Variants in COPB2 observed in about 807,000 individuals in gnomAD.
The protein encoded by COPB2 is coat protein complex I subunit beta 2, also known as coatomer subunit beta'.
COPB2 carries 16 observed loss-of-function variants against 120.8 expected under a neutral mutation model. The ratio of observed to expected loss-of-function variants is 0.13; its 90% CI spans 0.09 to 0.20. COPB2 has a LOEUF of 0.20. Among genes scored for constraint, COPB2 ranks in the 10% least tolerant of loss-of-function variants. The pLI, the probability that COPB2 is intolerant of heterozygous loss-of-function variation, is 1.00. For synonymous variants in COPB2, 332 were observed against 366.3 expected (o/e 0.91, Z 1.07); for missense variants, 794 against 1,076.5 (o/e 0.74, Z 3.67).
intron 16 of COPB2, among the ~76,000 whole-genome samples, chr3:139,362,181 TAAAAC>T (rs143231352): frequency 0.046 from 7,082 of 152,304 alleles, 212 homozygotes; most frequent in Middle Eastern, 0.086. Context: ...CAATTTTTCT[TAAAAC>T]AAATTAGAGT....
Position 139,373,386 on chromosome 3 carries a change from G to A in COPB2, c.921C>T (p.Ser307=). 1 of 1,614,068 alleles carries A rather than the reference G, an allele frequency of 6.2e-7. No individual in the cohort carries two copies. The highest frequency in any genetic ancestry group is 1.1e-5 in the South Asian group (1 of 91,086). Residue 307 remains serine (S), a synonymous_variant, in exon 9 of 22, where the codon TCC becomes TCT. Coordinates refer to ENST00000333188, the MANE Select transcript of COPB2 (RefSeq NM_004766.3). The part of the protein sequence containing the change: ...VKLGREEPAM[S]MDANGKIIWA... ...AAATTATCTTTCCATTGGCATCCATGGACATGGCAGGTTCCTCCCGACCAA... is the reference window on the plus strand; with the variant it reads ...AAATTATCTTTCCATTGGCATCCATAGACATGGCAGGTTCCTCCCGACCAA...
At position 139,366,996 on chromosome 3, in the gene COPB2, C is replaced by T; in HGVS notation, c.1676+19G>A. The T allele has an allele frequency of 6.3e-7, 1 of 1,593,740 alleles. No individual in the cohort carries two copies. Among genetic ancestry groups the T allele is most frequent in the Non-Finnish European group, 8.5e-7 (1 of 1,171,924 alleles). ...CACACTTTAAAATTTAGGACAAATG[C>T]AAAATGATACTCAGGTACCTGTCCA... On this transcript the variant is annotated intron_variant, in intron 14 of 21. Coordinates refer to ENST00000333188, the MANE Select transcript of COPB2 (RefSeq NM_004766.3).
rs569915880 is a variant in COPB2 at position 139,357,482 on chromosome 3, T to C, written c.*381A>G. 17 of 191,492 alleles carry C rather than the reference T, an allele frequency of 8.9e-5. No homozygotes were observed. Among genetic ancestry groups the C allele is most frequent in the Non-Finnish European group, 1.7e-4 (16 of 94,084 alleles). 11.9% of individuals were successfully genotyped at this position (191,492 alleles called of 1,614,324 possible). On this transcript the variant is annotated 3_prime_UTR_variant, in exon 22 of 22. Transcript: ENST00000333188. ...ACATTTGAAAATGCAGATTTAGTTA[T>C]ACAAAGAAAAGACAGTGGGGCTGAT...
intron 1 of COPB2, among the ~76,000 whole-genome samples, chr3:139,389,146 T>C (rs1351391337): frequency 1.3e-5 from 2 of 152,242 alleles, no homozygotes; most frequent in African/African-American, 4.8e-5. Flanking sequence ...CAGCACACAC[T>C]ATCCCCAGAA....
intron 17 of COPB2, among the ~76,000 whole-genome samples, chr3:139,360,492 T>C (rs1576369245): frequency 8.0e-6 from 1 of 124,406 alleles, no homozygotes. Context: ...CACTCCAGCC[T>C]GGGCAACAGA....
intron 15 of COPB2, among the ~76,000 whole-genome samples, chr3:139,365,640 A>G (rs144497113): frequency 0.011 from 1,750 of 152,302 alleles, 39 homozygotes; most frequent in African/African-American, 0.039. Context: ...TGATGAGAGC[A>G]GGAAAACCAG....
chr3:139,359,489 C>T (rs1403559053), intron 17 of COPB2, 127 bp from the exon 18 acceptor site: 1 of 769,418 alleles, frequency 1.3e-6, no homozygotes, highest in African/African-American at 1.8e-5. Context: ...TATCTCATTT[C>T]TGTCACTTGT....
At chr3:139,366,244 T>C (rs1320519845) in intron 15 of COPB2, among the ~76,000 whole-genome samples, 4 of 147,626 alleles carry the variant, frequency 2.7e-5, no homozygotes, top group Non-Finnish European at 6.1e-5. Context: ...ATATGTATTT[T>C]AATCATTTTT....
At chr3:139,386,712 A>G (rs1941931853) in intron 1 of COPB2, among the ~76,000 whole-genome samples, 1 of 152,204 alleles carries the variant, frequency 6.6e-6, no homozygotes, top group South Asian at 2.1e-4. Context: ...GGGTTTTCAT[A>G]TAAGCCAGCA....
In COPB2 at chr3:139,378,069, G is replaced by A; in HGVS notation, c.476C>T (p.Ala159Val). Reference sequence around the variant, plus strand: ...GATAGTCCTGTCCAAAGAGGCACTGGCAAACTGATTGTTATCTTTGGGGTT... The same window carrying A: ...GATAGTCCTGTCCAAAGAGGCACTGACAAACTGATTGTTATCTTTGGGGTT... Reference protein sequence around the residue: ...VINPKDNNQFASASLDRTIKV... With the variant: ...VINPKDNNQFVSASLDRTIKV... The change falls in exon 5 of 22, where the codon GCC becomes GTC. Residue 159 changes from alanine to valine, a missense_variant. Coordinates refer to ENST00000333188, the MANE Select transcript of COPB2 (RefSeq NM_004766.3). 3 of 1,573,914 alleles carry A rather than the reference G, an allele frequency of 1.9e-6. No homozygotes were observed. The highest frequency in any genetic ancestry group is 2.3e-5 in the South Asian group (2 of 85,862).
Position 139,367,164 on chromosome 3 carries a change from A to G in COPB2, c.1546-19T>C. 6.2e-7 allele frequency: 1 copy of G among 1,610,430 alleles called. No individual in the cohort carries two copies. The highest frequency in any genetic ancestry group is 8.5e-7 in the Non-Finnish European group (1 of 1,179,006). ...CAAGAACCTGCAGAAAGAAAAATAA[A>G]GACAATTACTTTATCCAACATCAGA... is the stretch of plus-strand genomic sequence containing the variant. On this transcript the variant is annotated intron_variant, in intron 13 of 21. Coordinates refer to ENST00000333188, the MANE Select transcript of COPB2 (RefSeq NM_004766.3).
chr3:139,361,254 A>G lies in COPB2; in HGVS notation c.2037T>C (p.Ser679=). 1 of 1,614,224 alleles carries G rather than the reference A, an allele frequency of 6.2e-7. No homozygotes were observed. The highest frequency in any genetic ancestry group is 1.1e-5 in the South Asian group (1 of 91,084). The change falls in exon 17 of 22, where the codon AGT becomes AGC. Residue 679 remains serine (S), a synonymous_variant. Coordinates refer to ENST00000333188, the MANE Select transcript of COPB2 (RefSeq NM_004766.3). ...KWKQLAELAI[S]KCQFGLAQEC... ...CCTGGGCTAGGCCAAACTGACATTTACTAATGGCAAGTTCAGCAAGTTGTT... is the reference window on the plus strand; with the variant it reads ...CCTGGGCTAGGCCAAACTGACATTTGCTAATGGCAAGTTCAGCAAGTTGTT...
chr3:139,365,950 C>T (rs867281242), intron 15 of COPB2, among the ~76,000 whole-genome samples: 2 of 152,002 alleles, frequency 1.3e-5, no homozygotes, highest in Middle Eastern at 6.8e-3. Flanking sequence ...ATGTGGTAGA[C>T]GCAGGGGAAT....
intron 11 of COPB2, 36 bp downstream of exon 11, chr3:139,369,420 G>T (rs1210145303): frequency 1.2e-6 from 2 of 1,604,496 alleles, no homozygotes; most frequent in Non-Finnish European, 1.7e-6. Flanking sequence ...CCATTACAAA[G>T]AATTTAAAAA....
intron 1 of COPB2, 33 bp downstream of exon 1, chr3:139,389,515 G>A: frequency 6.4e-7 from 1 of 1,552,496 alleles, no homozygotes; most frequent in Non-Finnish European, 8.8e-7. Context: ...TAACCTATGG[G>A]ACCCCGCTCC....
intron 1 of COPB2, among the ~76,000 whole-genome samples, chr3:139,386,333 T>C (rs111954119): frequency 1.3e-5 from 2 of 152,020 alleles, no homozygotes; most frequent in Non-Finnish European, 2.9e-5. Flanking sequence ...CTCGGCTCAC[T>C]GCAACCTCCA....
intron 9 of COPB2, among the ~76,000 whole-genome samples, chr3:139,372,412 TAA>T (rs576721068): frequency 5.6e-4 from 86 of 152,356 alleles, no homozygotes; most frequent in African/African-American, 2.0e-3. Context: ...CAACTATCTT[TAA>T]AGTTGTTTAT....
chr3:139,362,597 CAT>C (rs1941444140), intron 15 of COPB2, 80 bp from the exon 16 acceptor site: 2 of 729,474 alleles, frequency 2.7e-6, no homozygotes, highest in Non-Finnish European at 4.1e-6. Flanking sequence ...TATACACACA[CAT>C]ATACAGTGTA....
intron 6 of COPB2, 51 bp from the exon 7 acceptor site, chr3:139,374,639 AG>A: frequency 6.8e-7 from 1 of 1,473,592 alleles, no homozygotes; most frequent in Non-Finnish European, 9.4e-7. Flanking sequence ...ACATGTAACC[AG>A]CCCGCCCTTA....
Sources: allele counts gnomAD v4.1 joint callset (sites outside exome capture counted in the v4.1 genomes callset), GRCh38; gene constraint gnomAD v4.1.1; transcripts MANE v1.5; gene names NCBI Gene and HGNC (gene_info 2026-07-23, HGNC 2026-07-21).